Variants in MFAP3L observed in about 807,000 individuals in gnomAD.
MFAP3L encodes microfibril associated protein 3 like, also known as microfibrillar-associated protein 3-like.
MFAP3L carries 5 observed loss-of-function variants against 20.0 expected under a neutral mutation model. The ratio of observed to expected loss-of-function variants is 0.25; its 90% confidence interval spans 0.13 to 0.53. MFAP3L has a LOEUF of 0.53. Among genes scored for constraint, MFAP3L ranks in the 20% least tolerant of loss-of-function variants. MFAP3L has a pLI of 0.96. For synonymous variants in MFAP3L, 219 were observed against 213.0 expected (o/e 1.03, Z -0.25); for missense variants, 409 against 527.5 (o/e 0.78, Z 2.20).
chr4:170,007,840 A>G (rs1739143092), intron 1 of MFAP3L, among the ~76,000 whole-genome samples: 1 of 152,162 alleles, frequency 6.6e-6, no homozygotes, highest in Admixed American at 6.5e-5. Context: ...GCCTGGCTAA[A>G]TACCACAGGG....
At chr4:170,003,060 T>G (rs955531912) in intron 2 of MFAP3L, among the ~76,000 whole-genome samples, 5 of 152,218 alleles carry the variant, frequency 3.3e-5, no homozygotes, top group African/African-American at 1.2e-4. Context: ...TTGTTTTCTG[T>G]GTATTGCTTG....
intron 2 of MFAP3L, chr4:170,005,042 T>C (rs1301257142): frequency 6.5e-6 from 1 of 154,856 alleles, no homozygotes; most frequent in Non-Finnish European, 1.4e-5. Flanking sequence ...TTGTCCCACA[T>C]CCTTCCTTGT....
In MFAP3L at chr4:169,987,260, G is replaced by A. The variant is rs1581426671; in HGVS notation, c.*4118C>T. On this transcript the variant is annotated 3_prime_UTR_variant, in exon 3 of 3. Transcript: ENST00000361618. ...TATTTACTGAAGGATTTTTTAAAAT[G>A]ACCAGTATCTTGATGCTCAAAATAT... 1 of 152,120 alleles carries A rather than the reference G, an allele frequency of 6.6e-6. No homozygotes were observed. Among genetic ancestry groups the A allele is most frequent in the Non-Finnish European group, 1.5e-5 (1 of 68,012 alleles). 9.4% of individuals were successfully genotyped at this position (152,120 alleles called of 1,614,324 possible). A position where few individuals can be genotyped will look rare whatever the true frequency, so the allele number is the denominator to read the frequency against.
intron 1 of MFAP3L, among the ~76,000 whole-genome samples, chr4:170,017,626 A>G (rs907581689): frequency 6.6e-6 from 1 of 152,156 alleles, no homozygotes; most frequent in African/African-American, 2.4e-5. Flanking sequence ...CCCTCATAAC[A>G]TTGTAGCTAA....
chr4:170,026,134 A>T (rs1000120126), intron 1 of MFAP3L, 100 bp downstream of exon 1: 10 of 690,342 alleles, frequency 1.4e-5, no homozygotes, highest in African/African-American at 7.8e-5. Flanking sequence ...CAAACACCCG[A>T]AAGTTCGGCG....
At chr4:170,021,734 T>C (rs149917818) in intron 1 of MFAP3L, among the ~76,000 whole-genome samples, 1 of 152,336 alleles carries the variant, frequency 6.6e-6, no homozygotes, top group Non-Finnish European at 1.5e-5. Context: ...GCAAGGTAGA[T>C]ATTGAGGCCT....
chr4:169,995,560 G>A (rs540713570), intron 2 of MFAP3L, among the ~76,000 whole-genome samples: 1 of 152,194 alleles, frequency 6.6e-6, no homozygotes, highest in South Asian at 2.1e-4. Flanking sequence ...CACTTGTCCA[G>A]ACAGGAACAT....
chr4:170,005,867 A>C lies in MFAP3L; in HGVS notation c.11T>G (p.Leu4Trp), dbSNP rs764992942. ...AAAGCACACAGTCAGATGGCTCTTC[A>C]ATCGATCCATCTTCTTTGCTTGCTC... MDR[L>W]KSHLTVCFLP... Residue 4 changes from leucine (L) to tryptophan (W), a missense_variant, in exon 2 of 3, where the codon TTG becomes TGG. By Grantham distance (61) the Leu-to-Trp change is moderately conservative (BLOSUM62 -2). Around this residue, in one of 3 missense-constraint regions of MFAP3L, gnomAD observed 113 missense variants for 131.1 expected, o/e 0.86. Transcript: ENST00000361618. 2.5e-5 allele frequency: 40 copies of C among 1,613,310 alleles called. 2 individuals carry two copies. In the South Asian group the frequency reaches 4.3e-4, roughly 17 times the overall value.
chr4:170,015,156 T>C (rs1296217517), intron 1 of MFAP3L, among the ~76,000 whole-genome samples: 4 of 151,992 alleles, frequency 2.6e-5, no homozygotes, highest in African/African-American at 9.7e-5. Context: ...AGCAGATGAG[T>C]TTAGAATTTT....
At chr4:170,018,992 C>T (rs1739868120) in intron 1 of MFAP3L, among the ~76,000 whole-genome samples, 1 of 152,236 alleles carries the variant, frequency 6.6e-6, no homozygotes, top group Non-Finnish European at 1.5e-5. Context: ...AGAGTTTATG[C>T]TATCCACAGC....
At chr4:170,021,150 C>T (rs1740011230) in intron 1 of MFAP3L, among the ~76,000 whole-genome samples, 1 of 152,182 alleles carries the variant, frequency 6.6e-6, no homozygotes, top group African/African-American at 2.4e-5. Context: ...TTGGGAATAG[C>T]TAAGGGCACA....
intron 1 of MFAP3L, among the ~76,000 whole-genome samples, chr4:170,016,629 G>A (rs1271003266): frequency 6.6e-6 from 1 of 152,236 alleles, no homozygotes; most frequent in Admixed American, 6.5e-5. Context: ...GCTGTTTACT[G>A]ATGTATCCCC....
intron 2 of MFAP3L, among the ~76,000 whole-genome samples, chr4:169,997,971 C>G (rs1738316807): frequency 6.6e-6 from 1 of 152,100 alleles, no homozygotes; most frequent in South Asian, 2.1e-4. Context: ...TCAAATCAGG[C>G]AAGCCTAGGT....
chr4:169,992,431 C>CATA lies in MFAP3L; in HGVS notation c.299-123_299-122insTAT. The CATA allele has an allele frequency of 3.6e-6, 3 of 842,412 alleles. No individual in the cohort carries two copies. The highest frequency in any genetic ancestry group is 1.7e-5 in the South Asian group (1 of 57,778). The allele number at this position is 842,412 out of a possible 1,614,324, so 52.2% of individuals were successfully genotyped here. A position where few individuals can be genotyped will look rare whatever the true frequency, so the allele number is the denominator to read the frequency against. On this transcript the variant is annotated intron_variant, in intron 2 of 2. Coordinates refer to ENST00000361618, the MANE Select transcript of MFAP3L (RefSeq NM_021647.8). The surrounding 1 kb of genome is among the most constrained non-coding windows in gnomAD (Gnocchi z 4.3). ...GAACATCTATGAAGTCTATGAACGT[C>CATA]GACTTCACATGCTTACTATGCGGCA...
chr4:170,027,258 A>C (rs1263538230), upstream of MFAP3L: 1 of 144,638 alleles, frequency 6.9e-6, no homozygotes, highest in Admixed American at 7.0e-5. Context: ...AAGAGAACAG[A>C]GACTCTCAAT....
rs568616264 is a variant in MFAP3L at position 170,021,049 on chromosome 4, C to A, written c.-134+5185G>T. Among the ~76,000 whole-genome samples the A allele has an allele frequency of 1.2e-4, 19 of 152,032 alleles. No individual in the cohort carries two copies. In the South Asian group the frequency reaches 4.0e-3, roughly 32 times the overall value. ...GGAAAAATAAGTCACCCGGAAAGAA[C>A]ACAGAGGGCCACAAGCAAGACAAGA... On this transcript the variant is annotated intron_variant, in intron 1 of 2. Transcript: ENST00000361618.
At chr4:170,024,218 G>A (rs1740211102) in intron 1 of MFAP3L, among the ~76,000 whole-genome samples, 1 of 152,130 alleles carries the variant, frequency 6.6e-6, no homozygotes, top group Non-Finnish European at 1.5e-5. Context: ...TTGAAGCCAA[G>A]GGCAGTATGT....
At chr4:170,024,294 T>C (rs1393914801) in intron 1 of MFAP3L, among the ~76,000 whole-genome samples, 1 of 152,134 alleles carries the variant, frequency 6.6e-6, no homozygotes, top group African/African-American at 2.4e-5. Context: ...GATTTGTACT[T>C]AGGATTTGTG....
At chr4:170,025,554 G>A (rs1740298560) in intron 1 of MFAP3L, among the ~76,000 whole-genome samples, 1 of 152,062 alleles carries the variant, frequency 6.6e-6, no homozygotes, top group South Asian at 2.1e-4. Flanking sequence ...CAGGGCTGGA[G>A]AAGACAGCTT....
Sources: allele counts gnomAD v4.1 joint callset (sites outside exome capture counted in the v4.1 genomes callset), GRCh38; gene constraint gnomAD v4.1.1; regional missense constraint gnomAD v4.1.1; non-coding constraint Gnocchi (gnomAD v3.1); transcripts MANE v1.5; gene names NCBI Gene and HGNC (gene_info 2026-07-23, HGNC 2026-07-21).